Variants in ZCCHC8 observed in about 807,000 individuals in gnomAD.
The protein encoded by ZCCHC8 is zinc finger CCHC domain-containing protein 8.
In ZCCHC8, 27 loss-of-function variants were observed where a neutral mutation model predicts 70.6. The ratio of observed to expected loss-of-function variants is 0.38; its 90% CI spans 0.28 to 0.53. The LOEUF is 0.53. Among genes scored for constraint, ZCCHC8 ranks in the 20% least tolerant of loss-of-function variants. The pLI is 0.81. For missense variants in ZCCHC8, 737 were observed against 876.9 expected (o/e 0.84, Z 2.01); for synonymous variants, 293 against 317.4 (o/e 0.92, Z 0.82).
At position 122,490,496 on chromosome 12, in the gene ZCCHC8, T is replaced by A. The variant is rs1390156633; in HGVS notation, c.389A>T (p.Asp130Val). The A allele has an allele frequency of 6.2e-7, 1 of 1,613,024 alleles. No individual in the cohort carries two copies. The highest frequency in any genetic ancestry group is 8.5e-7 in the Non-Finnish European group (1 of 1,179,414). ...VKRFEEQQKN[D>V]VEKTSFNLLP... ...AAGATTAAAGGAAGTCTTTTCCACATCATTTTTCTGCTGTTCCTCAAATCT... is the reference window on the plus strand; with the variant it reads ...AAGATTAAAGGAAGTCTTTTCCACAACATTTTTCTGCTGTTCCTCAAATCT... The change falls in exon 4 of 14, where the codon GAT becomes GTT. Residue 130 changes from aspartate (D) to valine (V), a missense_variant. By Grantham distance (152) the Asp-to-Val change is radical. Coordinates refer to ENST00000633063, the MANE Select transcript of ZCCHC8 (RefSeq NM_017612.5).
chr12:122,492,796 C>T lies in ZCCHC8; in HGVS notation c.243-7G>A. 1.3e-6 allele frequency: 2 copies of T among 1,510,608 alleles called. No individual in the cohort carries two copies. 93.6% of individuals were successfully genotyped at this position (1,510,608 alleles called of 1,614,324 possible). On this transcript the variant is annotated splice_region_variant and splice_polypyrimidine_tract_variant and intron_variant, in intron 2 of 13. Coordinates refer to ENST00000633063, the MANE Select transcript of ZCCHC8 (RefSeq NM_017612.5). ...ATCGTTCACCAATATTCCACTAAAA[C>T]AGAAGTTAGAACATATTCTTAGAAG...
chr12:122,476,349 T>C (rs148244794), intron 13 of ZCCHC8, among the ~76,000 whole-genome samples: 14 of 151,244 alleles, frequency 9.3e-5, no homozygotes, highest in African/African-American at 2.7e-4. Context: ...GCCAGTAACA[T>C]TGGGAGGCTG....
At chr12:122,489,799 A>T in intron 4 of ZCCHC8, among the ~76,000 whole-genome samples, 1 of 152,164 alleles carries the variant, frequency 6.6e-6, no homozygotes, top group East Asian at 1.9e-4. Flanking sequence ...ATCAAAAATA[A>T]TATTCAGTAT....
chr12:122,474,923 C>G (rs1850458509), intron 13 of ZCCHC8, among the ~76,000 whole-genome samples: 1 of 151,896 alleles, frequency 6.6e-6, no homozygotes, highest in African/African-American at 2.4e-5. Context: ...TTAGTAGAGA[C>G]AGGGTTTCAC....
chr12:122,475,246 T>C (rs1957396171), intron 13 of ZCCHC8, among the ~76,000 whole-genome samples: 1 of 152,146 alleles, frequency 6.6e-6, no homozygotes. Flanking sequence ...GGTTTCTCCA[T>C]GTTGGCCAGG....
chr12:122,489,309 C>T, intron 5 of ZCCHC8, 77 bp downstream of exon 5: 1 of 1,379,852 alleles, frequency 7.2e-7, no homozygotes, highest in South Asian at 1.3e-5. Flanking sequence ...ACTACTTTAT[C>T]TTTTAAACGC....
At chr12:122,489,626 C>T (rs1262005812) in intron 4 of ZCCHC8, among the ~76,000 whole-genome samples, 163 bp from the exon 5 acceptor site, 1 of 152,190 alleles carries the variant, frequency 6.6e-6, no homozygotes, top group African/African-American at 2.4e-5. Flanking sequence ...CACTAGCATG[C>T]ACTACAACTT....
chr12:122,481,494 G>A, intron 10 of ZCCHC8, 28 bp downstream of exon 10: 1 of 1,563,894 alleles, frequency 6.4e-7, no homozygotes, highest in Non-Finnish European at 8.6e-7. Context: ...AACACTTAAG[G>A]TGACTTCTCT....
intron 13 of ZCCHC8, among the ~76,000 whole-genome samples, chr12:122,476,739 T>A (rs763793450): frequency 6.6e-6 from 1 of 151,360 alleles, no homozygotes; most frequent in Non-Finnish European, 1.5e-5. Context: ...ATGACAACCA[T>A]GGGCCAGGCA....
intron 10 of ZCCHC8, chr12:122,481,260 A>C (rs1349491849): frequency 3.8e-6 from 1 of 262,822 alleles, no homozygotes; most frequent in Non-Finnish European, 7.1e-6. Flanking sequence ...GACAAAGATA[A>C]GAGCTTATGA....
At position 122,489,494 on chromosome 12, in the gene ZCCHC8, G is replaced by A. The variant is rs769745436; in HGVS notation, c.424-31C>T. 58 of 1,594,942 alleles carry A rather than the reference G, an allele frequency of 3.6e-5. 1 individual carries two copies. Among genetic ancestry groups the A allele is most frequent in the South Asian group, 1.2e-4 (11 of 89,760 alleles). On this transcript the variant is annotated intron_variant, in intron 4 of 13. Coordinates refer to ENST00000633063, the MANE Select transcript of ZCCHC8 (RefSeq NM_017612.5). ...ACAAAGAAAAACACATATTACAACC[G>A]GTAACCAATTTTTAACCAGTTTAAA...
chr12:122,488,064 C>T (rs1957674231), intron 5 of ZCCHC8, among the ~76,000 whole-genome samples: 1 of 151,140 alleles, frequency 6.6e-6, no homozygotes, highest in Middle Eastern at 3.4e-3. Flanking sequence ...CAGAGTCTCA[C>T]TCTGTTGTCC....
At chr12:122,478,102 T>C in intron 12 of ZCCHC8, 104 bp downstream of exon 12, 4 of 1,275,996 alleles carry the variant, frequency 3.1e-6, no homozygotes, top group Non-Finnish European at 4.5e-6. Flanking sequence ...TCCTTTTGGT[T>C]TGTCAAGATA....
At position 122,483,122 on chromosome 12, in the gene ZCCHC8, A is replaced by T; in HGVS notation, c.671+157T>A. On this transcript the variant is annotated intron_variant, in intron 7 of 13. Coordinates refer to ENST00000633063, the MANE Select transcript of ZCCHC8 (RefSeq NM_017612.5). This position sits in a 1 kb window ranked among gnomAD's most constrained non-coding sequence, Gnocchi z 4.4. ...ATTCCAGGAAGCAGATGATTCATTTAAACATTTAACATATATGTATGGATT... is the reference window on the plus strand; with the variant it reads ...ATTCCAGGAAGCAGATGATTCATTTTAACATTTAACATATATGTATGGATT... 1.4e-6 allele frequency: 1 copy of T among 694,312 alleles called. No individual in the cohort carries two copies. The highest frequency in any genetic ancestry group is 2.4e-6 in the Non-Finnish European group (1 of 424,160). The allele number at this position is 694,312 out of a possible 1,614,324, so 43.0% of individuals were successfully genotyped here. A position where few individuals can be genotyped will look rare whatever the true frequency, so the allele number is the denominator to read the frequency against.
intron 4 of ZCCHC8, among the ~76,000 whole-genome samples, chr12:122,490,104 C>T (rs1957718748): frequency 1.3e-5 from 2 of 151,860 alleles, no homozygotes; most frequent in African/African-American, 2.4e-5. Context: ...TTTGGGCACA[C>T]AATTAATTTT....
chr12:122,474,082 G>C lies in ZCCHC8; in HGVS notation c.1539C>G (p.Asp513Glu), dbSNP rs368211759. Residue 513 changes from aspartate to glutamate, a missense_variant, in exon 14 of 14, where the codon GAC becomes GAG. By Grantham distance (45) the Asp-to-Glu change is conservative (BLOSUM62 2). Transcript: ENST00000633063. The part of the protein sequence containing the change: ...TRTASGAVDE[D>E]ALTLEELEEQ... The stretch of plus-strand genomic sequence containing the variant: ...CTTCAAGTTCTTCTAGAGTCAGTGC[G>C]TCCTCATCCACAGCTCCAGATGCTG... 11 of 1,518,540 alleles carry C rather than the reference G, an allele frequency of 7.2e-6. No individual in the cohort carries two copies. The highest frequency in any genetic ancestry group is 9.7e-6 in the Non-Finnish European group (11 of 1,135,900). The allele number at this position is 1,518,540 out of a possible 1,614,324, so 94.1% of individuals were successfully genotyped here.
At chr12:122,492,400 C>T (rs1281372682) in intron 3 of ZCCHC8, among the ~76,000 whole-genome samples, 4 of 152,174 alleles carry the variant, frequency 2.6e-5, no homozygotes, top group Non-Finnish European at 5.9e-5. Context: ...ATTTATTGAG[C>T]TCTTAGAGGT....
At chr12:122,493,848 C>T (rs541365703) in intron 2 of ZCCHC8, among the ~76,000 whole-genome samples, 121 of 152,048 alleles carry the variant, frequency 8.0e-4, no homozygotes, top group Middle Eastern at 3.4e-3. Context: ...CTCCTGACCT[C>T]GTGATCTGCC....
At chr12:122,497,975 A>G (rs1452288761) in intron 2 of ZCCHC8, among the ~76,000 whole-genome samples, 6 of 143,202 alleles carry the variant, frequency 4.2e-5, no homozygotes, top group Middle Eastern at 6.4e-3. Context: ...TGAGTGACAG[A>G]GTGAGATCTT....
Sources: allele counts gnomAD v4.1 joint callset (sites outside exome capture counted in the v4.1 genomes callset), GRCh38; gene constraint gnomAD v4.1.1; non-coding constraint Gnocchi (gnomAD v3.1); transcripts MANE v1.5; gene names NCBI Gene and HGNC (gene_info 2026-07-23, HGNC 2026-07-21).